The following SHISA9 variants were observed in gnomAD, a reference collection of about 807,000 sequenced individuals.
The protein encoded by SHISA9 is shisa family member 9, also known as protein shisa-9.
A neutral mutation model predicts 38.0 loss-of-function variants in SHISA9; 13 were observed. The ratio of observed to expected loss-of-function variants is 0.34; its 90% CI spans 0.22 to 0.54. The LOEUF (loss-of-function observed/expected upper bound fraction) is 0.54. Among genes scored for constraint, SHISA9 ranks in the 20% least tolerant of loss-of-function variants. The pLI, the probability that SHISA9 is intolerant of heterozygous loss-of-function variation, is 0.91. For missense variants in SHISA9, 538 were observed against 575.8 expected, an observed-to-expected ratio of 0.93 and a Z score of 0.67; for synonymous variants, 275 against 242.0, an observed-to-expected ratio of 1.14 and a Z score of -1.27.
At chr16:13,112,195 G>A (rs1567215962) in intron 2 of SHISA9, among the ~76,000 whole-genome samples, 1 of 152,138 alleles carries the variant, frequency 6.6e-6, no homozygotes, top group Admixed American at 6.5e-5. Context: ...TGTGTCAGAT[G>A]CCAAATAAAG....
the SHISA9 span, among the ~76,000 whole-genome samples, chr16:13,459,877 A>T: frequency 6.6e-6 from 1 of 152,162 alleles, no homozygotes. Context: ...GAGTCCTGAG[A>T]TATTTTTATA....
intron 2 of SHISA9, among the ~76,000 whole-genome samples, chr16:13,080,582 C>G (rs941766146): frequency 6.6e-6 from 1 of 152,112 alleles, no homozygotes; most frequent in South Asian, 2.1e-4. Flanking sequence ...AGCAAATTTC[C>G]TAAAAGAAGA....
At chr16:13,028,539 A>T (rs1454379288) in intron 2 of SHISA9, among the ~76,000 whole-genome samples, 2 of 152,148 alleles carry the variant, frequency 1.3e-5, no homozygotes, top group Non-Finnish European at 2.9e-5. Context: ...ATCTCGTGAG[A>T]CTTATTTCTT....
intron 3 of SHISA9, among the ~76,000 whole-genome samples, chr16:13,206,878 G>C (rs1389883057): frequency 1.3e-5 from 2 of 152,246 alleles, no homozygotes; most frequent in Non-Finnish European, 2.9e-5. Context: ...ACTAGGAAGG[G>C]ATGAGGGCTG....
At chr16:12,973,521 A>G (rs1663737833) in intron 2 of SHISA9, among the ~76,000 whole-genome samples, 1 of 152,174 alleles carries the variant, frequency 6.6e-6, no homozygotes, top group African/African-American at 2.4e-5. Context: ...TTGGCAGACA[A>G]CTGGGAGGCA....
At chr16:13,304,734 G>A in the SHISA9 span, among the ~76,000 whole-genome samples, 1 of 152,186 alleles carries the variant, frequency 6.6e-6, no homozygotes, top group African/African-American at 2.4e-5. Flanking sequence ...TCTCACAGAT[G>A]GAAAACTGAT....
At chr16:13,177,554 G>A (rs1007518117) in intron 2 of SHISA9, among the ~76,000 whole-genome samples, 2 of 151,954 alleles carry the variant, frequency 1.3e-5, no homozygotes, top group African/African-American at 4.8e-5. Context: ...TTTAAAAAGC[G>A]CAATTGAAAG....
intron 2 of SHISA9, among the ~76,000 whole-genome samples, chr16:13,153,341 T>G (rs1390269640): frequency 6.6e-6 from 1 of 152,136 alleles, no homozygotes; most frequent in Non-Finnish European, 1.5e-5. Flanking sequence ...CTATATTGGA[T>G]TTTTAATGGA....
At chr16:13,264,169 TC>T in the SHISA9 span, among the ~76,000 whole-genome samples, 1 of 140,682 alleles carries the variant, frequency 7.1e-6, no homozygotes, top group African/African-American at 2.5e-5. Flanking sequence ...TTGTTTTAAA[TC>T]TTTTTTTTTT....
At chr16:13,295,485 C>T in the SHISA9 span, among the ~76,000 whole-genome samples, 493 of 152,276 alleles carry the variant, frequency 3.2e-3, 4 homozygotes, top group Non-Finnish European at 6.0e-3. Flanking sequence ...GCCCTGGCAT[C>T]GGCCCAGGGT....
intron 2 of SHISA9, among the ~76,000 whole-genome samples, chr16:13,179,024 A>T (rs896324256): frequency 6.6e-6 from 1 of 152,220 alleles, no homozygotes; most frequent in African/African-American, 2.4e-5. Flanking sequence ...ACTCTATAAC[A>T]ACATCATCCC....
chr16:12,928,466 A>G (rs993100974), intron 2 of SHISA9, among the ~76,000 whole-genome samples: 3 of 152,214 alleles, frequency 2.0e-5, no homozygotes, highest in Non-Finnish European at 4.4e-5. Flanking sequence ...TGTCTGGTTA[A>G]TACTGTTTTA....
chr16:13,314,521 T>A, the SHISA9 span, among the ~76,000 whole-genome samples: 1 of 152,152 alleles, frequency 6.6e-6, no homozygotes, highest in African/African-American at 2.4e-5. Flanking sequence ...ATTACAGTCA[T>A]GAACCACCAC....
At chr16:13,343,171 T>C in the SHISA9 span, among the ~76,000 whole-genome samples, 193 of 152,312 alleles carry the variant, frequency 1.3e-3, 1 homozygote, top group Non-Finnish European at 2.0e-3. Context: ...GCTTAGTCAA[T>C]AGAGAAACTG....
chr16:13,216,610 G>A (rs1334226617), intron 4 of SHISA9, among the ~76,000 whole-genome samples: 1 of 152,170 alleles, frequency 6.6e-6, no homozygotes, highest in Non-Finnish European at 1.5e-5. Context: ...TCAGTGGCAT[G>A]AATGTTGCTG....
At chr16:13,142,491 ACTAT>A (rs2050410397) in intron 2 of SHISA9, among the ~76,000 whole-genome samples, 1 of 152,132 alleles carries the variant, frequency 6.6e-6, no homozygotes, top group South Asian at 2.1e-4. Flanking sequence ...TGCAGTGGGA[ACTAT>A]CTAAGTAAGT....
chr16:13,126,831 A>AAG (rs147483289), intron 2 of SHISA9, among the ~76,000 whole-genome samples: 1 of 121,788 alleles, frequency 8.2e-6, no homozygotes, highest in Admixed American at 8.6e-5. Context: ...GAGGGAAAGA[A>AAG]AGAGAGAGAG....
intron 2 of SHISA9, among the ~76,000 whole-genome samples, chr16:13,144,983 G>A (rs760191409): frequency 1.6e-4 from 24 of 152,226 alleles, no homozygotes; most frequent in Admixed American, 7.2e-4. Context: ...TTTTGGCAGA[G>A]GAGGGAGCAT....
chr16:12,961,511 C>A (rs760462747), intron 2 of SHISA9, among the ~76,000 whole-genome samples: 14 of 152,192 alleles, frequency 9.2e-5, no homozygotes, highest in Admixed American at 5.9e-4. Context: ...CACAATGGCA[C>A]GCTCTGCAGA....
Sources: gnomAD v4.1 joint callset for allele counts (sites outside exome capture counted in the v4.1 genomes callset) on GRCh38, gnomAD v4.1.1 for gene constraint, MANE v1.5 for transcripts, NCBI Gene and HGNC (gene_info 2026-07-23, HGNC 2026-07-21) for gene names.